IQGAP2: variants seen among roughly 807,000 people sequenced by gnomAD.
The protein encoded by IQGAP2 is ras GTPase-activating-like protein IQGAP2.
Under a neutral mutation model 201.3 loss-of-function variants are expected in IQGAP2, and 173 were observed. The ratio of observed to expected loss-of-function variants is 0.86; its 90% CI spans 0.76 to 0.98. The LOEUF (loss-of-function observed/expected upper bound fraction) is 0.98. Among genes scored for constraint, IQGAP2 ranks in the 50% least tolerant of loss-of-function variants. The pLI is 0.00. For synonymous variants in IQGAP2, 675 were observed against 673.9 expected (o/e 1.00, Z -0.03); for missense variants, 1,687 against 1,864.8 (o/e 0.90, Z 1.76).
chr5:76,504,714 T>A (rs935911563), intron 2 of IQGAP2, among the ~76,000 whole-genome samples: 2 of 152,234 alleles, frequency 1.3e-5, no homozygotes, highest in Non-Finnish European at 2.9e-5. Flanking sequence ...AAATAACATA[T>A]TTGGTCTCTT....
intron 5 of IQGAP2, among the ~76,000 whole-genome samples, chr5:76,581,076 C>T (rs1404389992): frequency 1.3e-5 from 2 of 152,168 alleles, no homozygotes; most frequent in South Asian, 2.1e-4. Flanking sequence ...ATGGTGATGC[C>T]ATGGCTCTGG....
chr5:76,561,452 A>G (rs757565165), intron 2 of IQGAP2, among the ~76,000 whole-genome samples: 1 of 152,176 alleles, frequency 6.6e-6, no homozygotes, highest in Non-Finnish European at 1.5e-5. Context: ...TACTGTGTTA[A>G]TGATCCTCTA....
chr5:76,698,603 T>A (rs1304033415), intron 33 of IQGAP2, among the ~76,000 whole-genome samples: 1 of 152,202 alleles, frequency 6.6e-6, no homozygotes, highest in Admixed American at 6.5e-5. Context: ...TTGACACAAC[T>A]GGCAAAATTT....
At chr5:76,507,750 G>A (rs557869745) in intron 2 of IQGAP2, among the ~76,000 whole-genome samples, 94 of 152,140 alleles carry the variant, frequency 6.2e-4, no homozygotes, top group African/African-American at 2.1e-3. Flanking sequence ...GGTGGCTCAC[G>A]CCTGTAATTC....
Position 76,641,090 on chromosome 5 carries a change from T to C in IQGAP2, c.2081T>C (p.Val694Ala). 1 of 1,599,704 alleles carries C rather than the reference T, an allele frequency of 6.3e-7. No individual in the cohort carries two copies. The highest frequency in any genetic ancestry group is 8.6e-7 in the Non-Finnish European group (1 of 1,168,478). Reference sequence around the variant, plus strand: ...TTTTTGCATGAACAAGAAGAGAATGTGGTCAAAATACAGGTATGTGGATCA... The same window carrying C: ...TTTTTGCATGAACAAGAAGAGAATGCGGTCAAAATACAGGTATGTGGATCA... Reference protein sequence around the residue: ...KSFLHEQEENVVKIQAFWKGY... With the variant: ...KSFLHEQEENAVKIQAFWKGY... Residue 694 changes from valine (V) to alanine (A), a missense_variant, in exon 17 of 36, where the codon GTG becomes GCG. Coordinates refer to ENST00000274364, the MANE Select transcript of IQGAP2 (RefSeq NM_006633.5).
At chr5:76,492,392 G>A (rs1756608611) in intron 2 of IQGAP2, among the ~76,000 whole-genome samples, 1 of 152,174 alleles carries the variant, frequency 6.6e-6, no homozygotes, top group Non-Finnish European at 1.5e-5. Context: ...TAAAGGGAAA[G>A]GTAGCACTGG....
In IQGAP2 at chr5:76,590,549, A is replaced by T. The variant is rs986110888; in HGVS notation, c.782A>T (p.Asp261Val). The T allele has an allele frequency of 2.5e-6, 4 of 1,610,686 alleles. No homozygotes were observed. In the African/African-American group the frequency reaches 4.0e-5, roughly 16 times the overall value. The change falls in exon 8 of 36, where the codon GAT (aspartate) becomes GTT (valine). Residue 261 changes from aspartate to valine, a missense_variant. By Grantham distance (152) the Asp-to-Val change is radical. Coordinates refer to ENST00000274364, the MANE Select transcript of IQGAP2 (RefSeq NM_006633.5). Reference sequence around the variant, plus strand: ...CCAGAATATCAGAAAGAACTCTGGGATGCCAAAAAGAAAAAAGAGGAAAAT... The same window carrying T: ...CCAGAATATCAGAAAGAACTCTGGGTTGCCAAAAAGAAAAAAGAGGAAAAT... ...LAPEYQKELW[D>V]AKKKKEENAR...
intron 1 of IQGAP2, chr5:76,404,509 C>T: frequency 1.0e-6 from 1 of 985,336 alleles, no homozygotes; most frequent in Non-Finnish European, 1.2e-6. Context: ...TAATCTTTGC[C>T]CAGGCTGGCC....
chr5:76,434,953 T>C (rs1752571390), intron 1 of IQGAP2, among the ~76,000 whole-genome samples: 1 of 152,178 alleles, frequency 6.6e-6, no homozygotes, highest in Non-Finnish European at 1.5e-5. Context: ...CCCTGATTAG[T>C]GATGTTGAGC....
At chr5:76,494,734 ACATG>A (rs1221183698) in intron 2 of IQGAP2, among the ~76,000 whole-genome samples, 1 of 152,060 alleles carries the variant, frequency 6.6e-6, no homozygotes, top group Admixed American at 6.6e-5. Flanking sequence ...TCCTGTGCAC[ACATG>A]CATCATTGAC....
chr5:76,429,054 G>T (rs80189433), intron 1 of IQGAP2, among the ~76,000 whole-genome samples: 2 of 140,112 alleles, frequency 1.4e-5, no homozygotes, highest in Non-Finnish European at 3.1e-5. Flanking sequence ...ACTAGAGCCC[G>T]AGTGACAGCG....
intron 11 of IQGAP2, among the ~76,000 whole-genome samples, chr5:76,602,012 T>A (rs186018865): frequency 6.6e-6 from 1 of 152,210 alleles, no homozygotes; most frequent in Non-Finnish European, 1.5e-5. Flanking sequence ...CATTCTCTCC[T>A]GTAAGCTTAG....
chr5:76,627,181 A>G (rs1750323081), intron 13 of IQGAP2, among the ~76,000 whole-genome samples: 1 of 152,160 alleles, frequency 6.6e-6, no homozygotes, highest in African/African-American at 2.4e-5. Context: ...GCAGCTGTCC[A>G]GTTGGGAGAT....
At chr5:76,411,222 G>A (rs1751099523) in intron 1 of IQGAP2, among the ~76,000 whole-genome samples, 1 of 152,160 alleles carries the variant, frequency 6.6e-6, no homozygotes, top group Non-Finnish European at 1.5e-5. Flanking sequence ...TCTTCACAGT[G>A]CTTGCAGGTT....
Position 76,658,552 on chromosome 5 carries a change from C to A in IQGAP2, c.2414C>A (p.Ala805Glu). The A allele has an allele frequency of 2.5e-6, 4 of 1,613,912 alleles. No individual in the cohort carries two copies. The highest frequency in any genetic ancestry group is 3.4e-6 in the Non-Finnish European group (4 of 1,179,958). Residue 805 changes from alanine to glutamate, a missense_variant, in exon 21 of 36, where the codon GCA becomes GAA. Coordinates refer to ENST00000274364, the MANE Select transcript of IQGAP2 (RefSeq NM_006633.5). Reference protein sequence around the residue: ...DLDFQEELEVARLREEVVTKI... With the variant: ...DLDFQEELEVERLREEVVTKI... ...GATTTCCAGGAGGAACTAGAGGTTG[C>A]ACGATTAAGGGAAGAAGTAGTGACC...
chr5:76,618,234 T>C, intron 13 of IQGAP2: 3 of 1,614,170 alleles, frequency 1.9e-6, no homozygotes, highest in Non-Finnish European at 2.5e-6. Flanking sequence ...AAATACCCAG[T>C]TGTTCCCATT....
chr5:76,452,845 T>C (rs1324318017), intron 1 of IQGAP2, among the ~76,000 whole-genome samples: 1 of 152,100 alleles, frequency 6.6e-6, no homozygotes, highest in Non-Finnish European at 1.5e-5. Context: ...AAGACTAAAT[T>C]AGCTAACCTC....
chr5:76,689,488 C>G (rs924419787), intron 30 of IQGAP2, among the ~76,000 whole-genome samples: 8 of 152,142 alleles, frequency 5.3e-5, no homozygotes, highest in African/African-American at 1.9e-4. Flanking sequence ...TTCATTATAA[C>G]TTATGATTCA....
At chr5:76,684,788 T>G (rs746685314) in intron 30 of IQGAP2, among the ~76,000 whole-genome samples, 14 of 152,206 alleles carry the variant, frequency 9.2e-5, no homozygotes, top group Non-Finnish European at 1.6e-4. Flanking sequence ...CTCCTGCCAC[T>G]GATGTGCTGA....
Sources: gnomAD v4.1 joint callset for allele counts (sites outside exome capture counted in the v4.1 genomes callset) on GRCh38, gnomAD v4.1.1 for gene constraint, MANE v1.5 for transcripts, NCBI Gene and HGNC (gene_info 2026-07-23, HGNC 2026-07-21) for gene names.